Variants in FHIT observed in about 807,000 individuals in gnomAD.
The protein encoded by FHIT is fragile histidine triad diadenosine triphosphatase.
FHIT carries 19 observed loss-of-function variants against 17.9 expected under a neutral mutation model. The ratio of observed to expected loss-of-function variants is 1.06; its 90% CI spans 0.74 to 1.56. The LOEUF is 1.56. Ranked by LOEUF, FHIT falls within the 40% of genes most tolerant of loss-of-function variation. The pLI is 0.00. For synonymous variants in FHIT, 81 were observed against 69.7 expected, an observed-to-expected ratio of 1.16 and a Z score of -0.81; for missense variants, 248 against 189.2, an observed-to-expected ratio of 1.31 and a Z score of -1.82.
At chr3:60,567,280 G>T (rs567580823) in intron 4 of FHIT, among the ~76,000 whole-genome samples, 3 of 152,126 alleles carry the variant, frequency 2.0e-5, no homozygotes, top group Non-Finnish European at 4.4e-5. Flanking sequence ...CAATGGAACA[G>T]AACAGAGCCC....
At chr3:60,220,094 T>TA (rs879413482) in intron 5 of FHIT, among the ~76,000 whole-genome samples, 2 of 152,182 alleles carry the variant, frequency 1.3e-5, no homozygotes, top group African/African-American at 4.8e-5. Flanking sequence ...ATTTTAGATC[T>TA]AAATTTCTAT....
chr3:60,750,337 A>G (rs183723865), intron 4 of FHIT, among the ~76,000 whole-genome samples: 2 of 152,232 alleles, frequency 1.3e-5, no homozygotes, highest in East Asian at 3.9e-4. Context: ...AGGGCCTCAA[A>G]TGACCTAATG....
At chr3:61,230,758 G>A (rs1298610920) in intron 1 of FHIT, among the ~76,000 whole-genome samples, 1 of 152,124 alleles carries the variant, frequency 6.6e-6, no homozygotes, top group African/African-American at 2.4e-5. Flanking sequence ...AGAATTAAAA[G>A]TTAGCAATCC....
intron 1 of FHIT, among the ~76,000 whole-genome samples, chr3:61,214,482 C>T (rs897329233): frequency 1.3e-5 from 2 of 152,130 alleles, no homozygotes; most frequent in Non-Finnish European, 2.9e-5. Flanking sequence ...CTGAATAGAC[C>T]AATGACAGGC....
At chr3:60,189,444 T>C (rs2107462950) in intron 5 of FHIT, among the ~76,000 whole-genome samples, 1 of 152,262 alleles carries the variant, frequency 6.6e-6, no homozygotes, top group South Asian at 2.1e-4. Context: ...CATTCAGGCT[T>C]TTAGTTTCAT....
intron 7 of FHIT, among the ~76,000 whole-genome samples, chr3:59,946,793 T>A (rs529298313): frequency 6.6e-6 from 1 of 152,240 alleles, no homozygotes; most frequent in African/African-American, 2.4e-5. Flanking sequence ...TTTTTAGTTC[T>A]GTTTTTGTGA....
At chr3:60,877,596 G>A (rs992486220) in intron 3 of FHIT, among the ~76,000 whole-genome samples, 1 of 152,190 alleles carries the variant, frequency 6.6e-6, no homozygotes, top group African/African-American at 2.4e-5. Context: ...GGGCCACACA[G>A]AACAGTCATG....
At chr3:59,759,604 T>C (rs1335315668) in intron 8 of FHIT, among the ~76,000 whole-genome samples, 1 of 152,220 alleles carries the variant, frequency 6.6e-6, no homozygotes, top group East Asian at 1.9e-4. Flanking sequence ...GCCTCTCTTC[T>C]ATCATTCACT....
intron 5 of FHIT, among the ~76,000 whole-genome samples, chr3:60,236,400 A>G (rs972855617): frequency 6.6e-6 from 1 of 151,816 alleles, no homozygotes; most frequent in African/African-American, 2.4e-5. Flanking sequence ...GAAGCAAGCC[A>G]ACAGCACCCT....
intron 7 of FHIT, among the ~76,000 whole-genome samples, chr3:59,923,595 A>G (rs1705516779): frequency 6.6e-6 from 1 of 152,180 alleles, no homozygotes; most frequent in East Asian, 1.9e-4. Context: ...CCTCGGCTGA[A>G]GTTAAACCTC....
intron 3 of FHIT, among the ~76,000 whole-genome samples, chr3:60,983,526 G>A (rs1460149605): frequency 6.6e-6 from 1 of 152,152 alleles, no homozygotes; most frequent in Non-Finnish European, 1.5e-5. Context: ...GTGGCAACAT[G>A]GGAGCCCTGG....
intron 5 of FHIT, among the ~76,000 whole-genome samples, chr3:60,287,779 G>A (rs1338958606): frequency 6.6e-6 from 1 of 150,556 alleles, no homozygotes; most frequent in Non-Finnish European, 1.5e-5. Flanking sequence ...TTATCTCTGT[G>A]CAGGTAAGCT....
chr3:61,044,843 A>C (rs935665797), intron 2 of FHIT, among the ~76,000 whole-genome samples: 5 of 152,226 alleles, frequency 3.3e-5, no homozygotes, highest in South Asian at 4.1e-4. Flanking sequence ...TTCTTAAAGA[A>C]AAGAATTTTC....
chr3:60,337,893 G>T (rs572648748), intron 5 of FHIT, among the ~76,000 whole-genome samples: 2 of 152,262 alleles, frequency 1.3e-5, no homozygotes, highest in Non-Finnish European at 2.9e-5. Context: ...AACTCAGGAA[G>T]TACTTTGTAT....
At chr3:60,806,929 A>C (rs1701413697) in intron 4 of FHIT, among the ~76,000 whole-genome samples, 1 of 152,196 alleles carries the variant, frequency 6.6e-6, no homozygotes, top group Non-Finnish European at 1.5e-5. Context: ...CTTCATTTTT[A>C]ATTTAAAGCT....
chr3:59,995,711 C>A (rs1699477990), intron 7 of FHIT, among the ~76,000 whole-genome samples: 1 of 152,066 alleles, frequency 6.6e-6, no homozygotes, highest in South Asian at 2.1e-4. Flanking sequence ...TCCTCCCACC[C>A]TAAACCACAC....
At chr3:59,998,728 G>A (rs1305863514) in intron 7 of FHIT, among the ~76,000 whole-genome samples, 1 of 152,080 alleles carries the variant, frequency 6.6e-6, no homozygotes, top group Non-Finnish European at 1.5e-5. Context: ...GGTCACCTGA[G>A]AAAGTCATTC....
At chr3:59,811,757 A>T (rs1007804285) in intron 8 of FHIT, among the ~76,000 whole-genome samples, 1 of 152,206 alleles carries the variant, frequency 6.6e-6, no homozygotes, top group Non-Finnish European at 1.5e-5. Context: ...GGGTCACTAG[A>T]GTAAATGGTT....
At chr3:60,160,373 C>T (rs879306579) in intron 5 of FHIT, among the ~76,000 whole-genome samples, 6 of 152,208 alleles carry the variant, frequency 3.9e-5, no homozygotes, top group Non-Finnish European at 8.8e-5. Flanking sequence ...CCAGGACTTC[C>T]TGGCTTCCTC....
Sources: gnomAD v4.1 joint callset for allele counts (sites outside exome capture counted in the v4.1 genomes callset) on GRCh38, gnomAD v4.1.1 for gene constraint, MANE v1.5 for transcripts, NCBI Gene and HGNC (gene_info 2026-07-23, HGNC 2026-07-21) for gene names.